INTS7: variants seen among roughly 807,000 people sequenced by gnomAD.
The protein encoded by INTS7 is chromosome 1 open reading frame 73.
A neutral mutation model predicts 109.2 loss-of-function variants in INTS7; 46 were observed. The ratio of observed to expected loss-of-function variants is 0.42; its 90% CI spans 0.33 to 0.54. The LOEUF (loss-of-function observed/expected upper bound fraction) is 0.54, where lower values mean the gene tolerates loss of function less well. Among genes scored for constraint, INTS7 ranks in the 20% least tolerant of loss-of-function variants. The probability of loss-of-function intolerance (pLI) is 0.07; values close to 1 mark genes in which losing one functional copy is unlikely to be tolerated. For missense variants in INTS7, 929 were observed against 1,132.4 expected, an observed-to-expected ratio of 0.82 and a Z score of 2.58; for synonymous variants, 412 against 402.9, an observed-to-expected ratio of 1.02 and a Z score of -0.27.
chr1:211,970,225 C>T (rs1158483406), intron 13 of INTS7, among the ~76,000 whole-genome samples: 2 of 152,100 alleles, frequency 1.3e-5, no homozygotes, highest in Non-Finnish European at 2.9e-5. Flanking sequence ...TCTTGGGTAG[C>T]ATTAGCTAGG....
chr1:212,015,318 G>A (rs1208474812), intron 4 of INTS7, among the ~76,000 whole-genome samples: 1 of 152,200 alleles, frequency 6.6e-6, no homozygotes, highest in Non-Finnish European at 1.5e-5. Flanking sequence ...CTGTGTCTGT[G>A]TAGAAAGAAG....
At chr1:211,967,413 C>G (rs897298494) in intron 15 of INTS7, among the ~76,000 whole-genome samples, 3 of 139,310 alleles carry the variant, frequency 2.2e-5, no homozygotes, top group African/African-American at 7.9e-5. Flanking sequence ...GATCATGCCA[C>G]TGCACTCCAG....
intron 5 of INTS7, 49 bp downstream of exon 5, chr1:212,011,326 T>C (rs776130482): frequency 1.0e-6 from 1 of 981,794 alleles, no homozygotes; most frequent in South Asian, 1.5e-5. Context: ...TTAGCAACTA[T>C]TATAAATCTA....
Position 211,946,455 on chromosome 1 carries a change from G to A in INTS7, c.2415+152C>T, listed in dbSNP as rs1040532695. The A allele has an allele frequency of 1.1e-4, 54 of 490,092 alleles. No individual in the cohort carries two copies. Among genetic ancestry groups the A allele is most frequent in the Non-Finnish European group, 1.9e-4 (52 of 276,182 alleles). The allele number at this position is 490,092 out of a possible 1,614,324, so 30.4% of individuals were successfully genotyped here. On this transcript the variant is annotated intron_variant, in intron 18 of 19. Transcript: ENST00000366994. This position sits in a 1 kb window ranked among gnomAD's most constrained non-coding sequence, Gnocchi z 4.3. ...CACACCACTGTACTCCAGCCCAGGCGACAGGGCGAGACTCTGTCTCAAAAA... is the reference window on the plus strand; with the variant it reads ...CACACCACTGTACTCCAGCCCAGGCAACAGGGCGAGACTCTGTCTCAAAAA...
intron 13 of INTS7, among the ~76,000 whole-genome samples, chr1:211,971,162 G>A (rs1664147577): frequency 6.6e-6 from 1 of 152,080 alleles, no homozygotes; most frequent in African/African-American, 2.4e-5. Flanking sequence ...TTTGTTGAGG[G>A]GGGCTCTCCT....
chr1:211,954,508 TC>T (rs1663270116), intron 16 of INTS7, among the ~76,000 whole-genome samples: 1 of 152,232 alleles, frequency 6.6e-6, no homozygotes, highest in South Asian at 2.1e-4. Flanking sequence ...TAGGTTTTCT[TC>T]TAGGGTTTTT....
intron 13 of INTS7, among the ~76,000 whole-genome samples, chr1:211,970,627 T>C (rs951075675): frequency 5.3e-5 from 8 of 151,986 alleles, no homozygotes; most frequent in Non-Finnish European, 8.8e-5. Context: ...TAAAAACTAG[T>C]AGGAAAATGA....
At chr1:212,014,465 CA>C (rs1165612101) in intron 4 of INTS7, among the ~76,000 whole-genome samples, 177 of 28,116 alleles carry the variant, frequency 6.3e-3, no homozygotes, top group African/African-American at 0.02. Context: ...AACTCCATCT[CA>C]AAAAAAAAAA....
rs78138976 is a variant in INTS7 at position 211,998,366 on chromosome 1, T to C, written c.879+8273A>G. Among the ~76,000 whole-genome samples, 816 of 152,310 alleles carry C rather than the reference T, an allele frequency of 5.4e-3. 3 individuals carry two copies. Among genetic ancestry groups the C allele is most frequent in the African/African-American group, 0.019 (773 of 41,566 alleles). Reference sequence around the variant, plus strand: ...GATGGTAATCAAGACAGTGTATTATTTGCACAGACCAATAGAACAGAATAG... The same window carrying C: ...GATGGTAATCAAGACAGTGTATTATCTGCACAGACCAATAGAACAGAATAG... On this transcript the variant is annotated intron_variant, in intron 7 of 19. Coordinates refer to ENST00000366994, the MANE Select transcript of INTS7 (RefSeq NM_015434.4).
intron 7 of INTS7, among the ~76,000 whole-genome samples, chr1:211,991,219 A>T (rs1461197218): frequency 6.6e-6 from 1 of 152,236 alleles, no homozygotes; most frequent in African/African-American, 2.4e-5. Flanking sequence ...ATAGGATGAG[A>T]TATGAAGTCC....
chr1:212,002,046 A>G (rs1407556663), intron 7 of INTS7, among the ~76,000 whole-genome samples: 1 of 152,204 alleles, frequency 6.6e-6, no homozygotes, highest in Non-Finnish European at 1.5e-5. Context: ...TACAGTTTAT[A>G]TACTCAGAAG....
chr1:211,989,399 TAAAA>T (rs1665045298), intron 7 of INTS7, among the ~76,000 whole-genome samples: 1 of 147,854 alleles, frequency 6.8e-6, no homozygotes, highest in Non-Finnish European at 1.5e-5. Context: ...TTATGGCAAA[TAAAA>T]AACCAAAACT....
intron 16 of INTS7, among the ~76,000 whole-genome samples, chr1:211,963,126 G>C (rs549079351): frequency 7.2e-5 from 11 of 152,164 alleles, no homozygotes; most frequent in African/African-American, 2.7e-4. Context: ...CGGCTGGCTA[G>C]ACTAATAAAG....
intron 12 of INTS7, 143 bp downstream of exon 12, chr1:211,976,439 T>G: frequency 1.4e-6 from 1 of 689,872 alleles, no homozygotes; most frequent in Non-Finnish European, 2.4e-6. Flanking sequence ...ATCAGGTCCT[T>G]TCCTTCCTCA....
intron 16 of INTS7, among the ~76,000 whole-genome samples, chr1:211,962,368 A>G (rs548988702): frequency 6.6e-6 from 1 of 152,172 alleles, no homozygotes; most frequent in South Asian, 2.1e-4. Flanking sequence ...ACACAGGAGC[A>G]CCCAGATTCA....
At chr1:212,009,336 A>G (rs1469456387) in intron 5 of INTS7, among the ~76,000 whole-genome samples, 1 of 152,184 alleles carries the variant, frequency 6.6e-6, no homozygotes, top group African/African-American at 2.4e-5. Flanking sequence ...TTCTCATATA[A>G]CTGTCATCAG....
chr1:211,971,067 T>A (rs964697227), intron 13 of INTS7, among the ~76,000 whole-genome samples: 1 of 152,198 alleles, frequency 6.6e-6, no homozygotes, highest in Non-Finnish European at 1.5e-5. Context: ...AGGGGGAAGA[T>A]ACACAGCTCC....
intron 11 of INTS7, 62 bp from the exon 12 acceptor site, chr1:211,976,781 C>A: frequency 1.9e-6 from 3 of 1,540,442 alleles, no homozygotes; most frequent in South Asian, 1.1e-5. Flanking sequence ...TCATTGATAA[C>A]CTACCCCAAA....
chr1:211,996,171 C>G (rs1351969227), intron 7 of INTS7, among the ~76,000 whole-genome samples: 3 of 152,132 alleles, frequency 2.0e-5, no homozygotes, highest in Non-Finnish European at 4.4e-5. Context: ...CCTGTAATCC[C>G]AGCACTTTGG....
Sources: gnomAD v4.1 joint callset for allele counts (sites outside exome capture counted in the v4.1 genomes callset) on GRCh38, gnomAD v4.1.1 for gene constraint, Gnocchi (gnomAD v3.1) non-coding constraint, MANE v1.5 for transcripts, NCBI Gene and HGNC (gene_info 2026-07-23, HGNC 2026-07-21) for gene names.